The following SLTM variants were observed in gnomAD, a reference collection of about 807,000 sequenced individuals.
The protein encoded by SLTM is SAFB-like transcription modulator.
SLTM carries 43 observed loss-of-function variants against 134.6 expected under a neutral mutation model. That is an observed-to-expected ratio of 0.32 (90% confidence interval 0.25 to 0.41). The LOEUF (loss-of-function observed/expected upper bound fraction) is 0.41, where lower values mean the gene tolerates loss of function less well. Among genes scored for constraint, SLTM ranks in the 10% least tolerant of loss-of-function variants. The pLI is 1.00. For synonymous variants in SLTM, 424 were observed against 432.3 expected, an observed-to-expected ratio of 0.98 and a Z score of 0.24; for missense variants, 1,055 against 1,288.8, an observed-to-expected ratio of 0.82 and a Z score of 2.78.
chr15:58,917,047 A>G (rs1371381930), intron 2 of SLTM, 48 bp from the exon 3 acceptor site: 3 of 1,564,892 alleles, frequency 1.9e-6, no homozygotes, highest in East Asian at 2.3e-5. Context: ...TATTACTTTA[A>G]GAACAAAAAA....
At chr15:58,884,636 TA>T (rs1477775830) in intron 19 of SLTM, among the ~76,000 whole-genome samples, 2 of 151,488 alleles carry the variant, frequency 1.3e-5, no homozygotes, top group South Asian at 2.1e-4. Flanking sequence ...TTTTAAAAAA[TA>T]ATTTTTTTTT....
chr15:58,905,879 G>A (rs2035834830), intron 5 of SLTM, among the ~76,000 whole-genome samples: 1 of 152,098 alleles, frequency 6.6e-6, no homozygotes, highest in Non-Finnish European at 1.5e-5. Flanking sequence ...CATGTCTTCT[G>A]AAGGGTTTCA....
intron 5 of SLTM, among the ~76,000 whole-genome samples, chr15:58,910,320 T>C (rs1439551681): frequency 1.3e-5 from 2 of 152,212 alleles, no homozygotes; most frequent in Non-Finnish European, 2.9e-5. Flanking sequence ...TCAGTAAGCA[T>C]GTTTAGAAGC....
At chr15:58,906,504 A>T (rs2035876418) in intron 5 of SLTM, among the ~76,000 whole-genome samples, 1 of 152,180 alleles carries the variant, frequency 6.6e-6, no homozygotes, top group Non-Finnish European at 1.5e-5. Context: ...CAAGCCTAGG[A>T]CTTATTTTTC....
rs1008561487 is a variant in SLTM at position 58,921,199 on chromosome 15, T to C, written c.251-4200A>G. ...GCATTTATGTACTTGTATTTTAAAA[T>C]TTTATCCTCACAACTCCTCTGAAAC... On this transcript the variant is annotated intron_variant, in intron 2 of 20. Transcript: ENST00000380516. 9.2e-5 allele frequency among the ~76,000 whole-genome samples: 14 copies of C among 152,152 alleles called. 1 individual carries two copies.
intron 19 of SLTM, 78 bp from the exon 20 acceptor site, chr15:58,883,864 G>A: frequency 6.7e-7 from 1 of 1,502,112 alleles, no homozygotes; most frequent in Non-Finnish European, 9.1e-7. Flanking sequence ...TTGGGAGGCT[G>A]AGGCAGGCGG....
intron 8 of SLTM, 22 bp from the exon 9 acceptor site, chr15:58,897,255 A>C (rs2035158049): frequency 7.7e-7 from 1 of 1,296,550 alleles, no homozygotes; most frequent in Non-Finnish European, 1.1e-6. Flanking sequence ...TTAATATCAG[A>C]TGTTTAAGTA....
intron 2 of SLTM, among the ~76,000 whole-genome samples, chr15:58,931,489 A>C (rs781026836): frequency 8.1e-4 from 124 of 152,374 alleles, no homozygotes; most frequent in Admixed American, 2.1e-3. Context: ...AAAGAAAATT[A>C]GATTACAAAA....
chr15:58,897,040 A>G, intron 9 of SLTM, 75 bp downstream of exon 9: 1 of 837,460 alleles, frequency 1.2e-6, no homozygotes, highest in South Asian at 1.4e-5. Context: ...ATATTCATGT[A>G]ATACTATTTA....
chr15:58,882,133 C>T lies in SLTM; in HGVS notation c.2996+1493G>A, dbSNP rs1248431265. Among the ~76,000 whole-genome samples the T allele has an allele frequency of 2.2e-5, 3 of 133,792 alleles. No homozygotes were observed. The Admixed American group carries it at 2.5e-4, about 11-fold the overall frequency. 87.8% of individuals were successfully genotyped at this position (133,792 alleles called of 152,430 possible). On this transcript the variant is annotated intron_variant, in intron 20 of 20. Coordinates refer to ENST00000380516, the MANE Select transcript of SLTM (RefSeq NM_024755.4). ...CCAGGAGGCAGAGGTTGCAGCGAGC[C>T]GAGACTGCACCACTACACTCCAGCC...
chr15:58,897,328 T>A, intron 8 of SLTM, 95 bp from the exon 9 acceptor site: 1 of 695,814 alleles, frequency 1.4e-6, no homozygotes, highest in Non-Finnish European at 2.5e-6. Flanking sequence ...ATAATTTTGA[T>A]AGTATGACGT....
At chr15:58,888,993 A>G (rs1332983159) in intron 16 of SLTM, among the ~76,000 whole-genome samples, 1 of 152,118 alleles carries the variant, frequency 6.6e-6, no homozygotes, top group Non-Finnish European at 1.5e-5. Flanking sequence ...TACACAATCA[A>G]CTCAGTTTCA....
At chr15:58,914,148 A>C (rs1189102972) in intron 3 of SLTM, among the ~76,000 whole-genome samples, 1 of 152,228 alleles carries the variant, frequency 6.6e-6, no homozygotes, top group Non-Finnish European at 1.5e-5. Context: ...AAAATATGCA[A>C]ATAACTAATT....
At chr15:58,917,444 T>C (rs2036725629) in intron 2 of SLTM, among the ~76,000 whole-genome samples, 1 of 152,262 alleles carries the variant, frequency 6.6e-6, no homozygotes, top group Admixed American at 6.5e-5. Context: ...ATCCTCACAC[T>C]TTAATCTTCA....
rs555212753 is a variant in SLTM, at chr15:58,913,524, A to T, written c.488T>A (p.Ile163Lys). The change falls in exon 4 of 21, where the codon ATA (isoleucine) becomes AAA (lysine). Residue 163 changes from isoleucine to lysine, a missense_variant. Coordinates refer to ENST00000380516, the MANE Select transcript of SLTM (RefSeq NM_024755.4). ...ELIEAEGIED[I>K]EKEDIESQEI... ...CTGACTTTCGATGTCCTCTTTTTCT[A>T]TATCTTCTATTCCTTCTGCCTCTAT... 4 of 1,610,000 alleles carry T rather than the reference A, an allele frequency of 2.5e-6. No homozygotes were observed. The South Asian group carries it at 3.3e-5, about 13-fold the overall frequency.
At chr15:58,905,481 T>A (rs1188367915) in intron 5 of SLTM, among the ~76,000 whole-genome samples, 1 of 152,134 alleles carries the variant, frequency 6.6e-6, no homozygotes, top group East Asian at 1.9e-4. Context: ...GGCAGGAGGT[T>A]TGCTTGAGGC....
At chr15:58,898,483 T>TA (rs2035251113) in intron 8 of SLTM, 1 of 189,390 alleles carries the variant, frequency 5.3e-6, no homozygotes, top group Admixed American at 6.3e-5. Context: ...TAACAAAAGA[T>TA]AAAATAGTTC....
At chr15:58,907,820 T>A (rs930351777) in intron 5 of SLTM, among the ~76,000 whole-genome samples, 1 of 152,108 alleles carries the variant, frequency 6.6e-6, no homozygotes, top group Non-Finnish European at 1.5e-5. Flanking sequence ...TTTGTAGACA[T>A]AGAAATTGAC....
intron 2 of SLTM, among the ~76,000 whole-genome samples, chr15:58,924,767 A>G (rs1021096604): frequency 2.0e-5 from 3 of 152,262 alleles, no homozygotes; most frequent in East Asian, 1.9e-4. Context: ...ATGGTTTGCA[A>G]TTTTCCTTTT....
Sources: gnomAD v4.1 joint callset for allele counts (sites outside exome capture counted in the v4.1 genomes callset) on GRCh38, gnomAD v4.1.1 for gene constraint, MANE v1.5 for transcripts, NCBI Gene and HGNC (gene_info 2026-07-23, HGNC 2026-07-21) for gene names.